The following SLC7A14 variants were observed in gnomAD, a reference collection of about 807,000 sequenced individuals.
The protein encoded by SLC7A14 is solute carrier family 7 member 14, also known as gamma-aminobutyric acid transporter SLC7A14.
In SLC7A14, 37 loss-of-function variants were observed where a neutral mutation model predicts 60.2. The ratio of observed to expected loss-of-function variants is 0.61; its 90% CI spans 0.47 to 0.81. The LOEUF is 0.81. Among genes scored for constraint, SLC7A14 ranks in the 30% least tolerant of loss-of-function variants. The pLI is 0.00. For missense variants in SLC7A14, 886 were observed against 982.7 expected, an observed-to-expected ratio of 0.90 and a Z score of 1.32; for synonymous variants, 399 against 395.8, an observed-to-expected ratio of 1.01 and a Z score of -0.10.
At position 170,460,130 on chromosome 3, in the gene SLC7A14, G is replaced by T. The variant is rs1252404483; in HGVS notation, c.*6925C>A. ...AAACGAACAAACTTTAACAAATACA[G>T]CAATTTCATACCAAAAAAAGATAGC... On this transcript the variant is annotated 3_prime_UTR_variant, in exon 8 of 8. Coordinates refer to ENST00000231706, the MANE Select transcript of SLC7A14 (RefSeq NM_020949.3). 1.3e-5 allele frequency: 2 copies of T among 152,086 alleles called. No homozygotes were observed. Among genetic ancestry groups the T allele is most frequent in the East Asian group, 3.8e-4 (2 of 5,204 alleles). 9.4% of individuals were successfully genotyped at this position (152,086 alleles called of 1,614,324 possible). A position where few individuals can be genotyped will look rare whatever the true frequency, so the allele number is the denominator to read the frequency against.
rs1439213325 is a variant in SLC7A14 at position 170,460,566 on chromosome 3, C to T, written c.*6489G>A. The T allele has an allele frequency of 1.3e-5, 2 of 152,176 alleles. No individual in the cohort carries two copies. The highest frequency in any genetic ancestry group is 2.4e-5 in the African/African-American group (1 of 41,440). 9.4% of individuals were successfully genotyped at this position (152,176 alleles called of 1,614,324 possible). ...TCAATAGATGTGCATGGAACATTCT[C>T]TTCATCCCCAAATCAGAATGAACAC... On this transcript the variant is annotated 3_prime_UTR_variant, in exon 8 of 8. Transcript: ENST00000231706.
intron 7 of SLC7A14, among the ~76,000 whole-genome samples, chr3:170,475,240 A>G (rs1711576988): frequency 6.6e-6 from 1 of 152,224 alleles, no homozygotes; most frequent in Non-Finnish European, 1.5e-5. Context: ...TTAGCAAAAC[A>G]TTGTTACAAA....
At chr3:170,492,175 T>G (rs1712240284) in intron 4 of SLC7A14, among the ~76,000 whole-genome samples, 9 of 152,162 alleles carry the variant, frequency 5.9e-5, no homozygotes, top group Admixed American at 5.9e-4. Context: ...TAGGATAGAC[T>G]TCCATGCATA....
At chr3:170,554,956 C>A (rs923892214) in intron 1 of SLC7A14, among the ~76,000 whole-genome samples, 1 of 152,044 alleles carries the variant, frequency 6.6e-6, no homozygotes, top group Admixed American at 6.5e-5. Context: ...ATCATCAGGT[C>A]AGGAGTTCAA....
At chr3:170,579,089 C>T (rs1196908161) in intron 1 of SLC7A14, among the ~76,000 whole-genome samples, 2 of 152,096 alleles carry the variant, frequency 1.3e-5, no homozygotes, top group African/African-American at 4.8e-5. Flanking sequence ...AAAGATAAAC[C>T]TGAATCTTTG....
chr3:170,483,905 G>A (rs981812953), intron 5 of SLC7A14, among the ~76,000 whole-genome samples: 2 of 152,204 alleles, frequency 1.3e-5, no homozygotes, highest in East Asian at 1.9e-4. Flanking sequence ...CAGGGACCAT[G>A]AGCACCCTGC....
At chr3:170,500,438 C>CAA (rs66971540) in intron 3 of SLC7A14, among the ~76,000 whole-genome samples, 44 of 55,612 alleles carry the variant, frequency 7.9e-4, no homozygotes, top group Non-Finnish European at 1.4e-3. Context: ...GACTCTGTCT[C>CAA]AAAAAAAAAA....
At chr3:170,525,708 G>C in intron 2 of SLC7A14, among the ~76,000 whole-genome samples, 1 of 152,222 alleles carries the variant, frequency 6.6e-6, no homozygotes, top group Middle Eastern at 3.4e-3. Flanking sequence ...CCATTAGAAC[G>C]TGACAGGGAA....
chr3:170,523,472 C>T (rs1713400846), intron 2 of SLC7A14, among the ~76,000 whole-genome samples: 2 of 152,118 alleles, frequency 1.3e-5, no homozygotes, highest in African/African-American at 4.8e-5. Flanking sequence ...TTTCACTTCC[C>T]TTCTTATTCA....
intron 7 of SLC7A14, 143 bp downstream of exon 7, chr3:170,480,146 C>G (rs989581171): frequency 3.4e-5 from 26 of 755,680 alleles, no homozygotes; most frequent in Admixed American, 9.8e-5. Context: ...TTTATTGACT[C>G]TTAGGCGGAA....
chr3:170,569,931 A>G (rs1714898215), intron 1 of SLC7A14, among the ~76,000 whole-genome samples: 1 of 152,066 alleles, frequency 6.6e-6, no homozygotes, highest in African/African-American at 2.4e-5. Flanking sequence ...CTAGCGGTCT[A>G]TCAATTTTGT....
At chr3:170,573,520 G>T (rs564862294) in intron 1 of SLC7A14, among the ~76,000 whole-genome samples, 2 of 152,202 alleles carry the variant, frequency 1.3e-5, no homozygotes, top group Non-Finnish European at 2.9e-5. Context: ...TCAAAGATTT[G>T]GTAAGGGGCT....
chr3:170,509,811 G>A (rs1050644878), intron 2 of SLC7A14, among the ~76,000 whole-genome samples: 5 of 150,582 alleles, frequency 3.3e-5, no homozygotes, highest in Non-Finnish European at 7.4e-5. Flanking sequence ...GGGCGTGGTG[G>A]TGCATGCCCG....
At chr3:170,514,638 C>G (rs1433832852) in intron 2 of SLC7A14, among the ~76,000 whole-genome samples, 1 of 152,200 alleles carries the variant, frequency 6.6e-6, no homozygotes, top group Non-Finnish European at 1.5e-5. Context: ...TGGGCATATA[C>G]TTTCAGAGTC....
intron 1 of SLC7A14, among the ~76,000 whole-genome samples, chr3:170,534,030 G>A (rs1239098963): frequency 1.3e-5 from 2 of 152,166 alleles, no homozygotes; most frequent in Non-Finnish European, 2.9e-5. Flanking sequence ...CACCAATTAA[G>A]CTTCCTTTTC....
intron 4 of SLC7A14, among the ~76,000 whole-genome samples, chr3:170,497,087 C>CAAAAAAA (rs548290941): frequency 1.3e-4 from 12 of 94,256 alleles, no homozygotes; most frequent in South Asian, 4.0e-4. Context: ...TTATTTTGTC[C>CAAAAAAA]AAAAAAAAAA....
intron 5 of SLC7A14, 152 bp from the exon 6 acceptor site, chr3:170,483,674 G>A (rs1711921751): frequency 1.0e-5 from 8 of 770,184 alleles, no homozygotes; most frequent in Non-Finnish European, 1.7e-5. Context: ...CTTTACTGTA[G>A]ACCAGTCATC....
intron 7 of SLC7A14, among the ~76,000 whole-genome samples, chr3:170,473,732 TAAC>T (rs374672879): frequency 2.6e-3 from 395 of 152,182 alleles, no homozygotes; most frequent in African/African-American, 9.0e-3. Context: ...TTGACTATAA[TAAC>T]AACAAGGCTT....
chr3:170,485,610 G>T (rs1253575885), intron 5 of SLC7A14, among the ~76,000 whole-genome samples: 1 of 152,158 alleles, frequency 6.6e-6, no homozygotes, highest in African/African-American at 2.4e-5. Context: ...GTGTCTCAGG[G>T]GCGTGATCCT....
Sources: gnomAD v4.1 joint callset for allele counts (sites outside exome capture counted in the v4.1 genomes callset) on GRCh38, gnomAD v4.1.1 for gene constraint, MANE v1.5 for transcripts, NCBI Gene and HGNC (gene_info 2026-07-23, HGNC 2026-07-21) for gene names.